The following PDCD6 variants were observed in gnomAD, a reference collection of about 807,000 sequenced individuals.
PDCD6 encodes programmed cell death protein 6.
PDCD6 carries 12 observed loss-of-function variants against 28.3 expected under a neutral mutation model. The ratio of observed to expected loss-of-function variants is 0.42; its 90% CI spans 0.27 to 0.69. PDCD6 has a LOEUF of 0.69. Among genes scored for constraint, PDCD6 ranks in the 30% least tolerant of loss-of-function variants. PDCD6 has a pLI of 0.22. For synonymous variants in PDCD6, 92 were observed against 108.0 expected, an observed-to-expected ratio of 0.85 and a Z score of 0.92; for missense variants, 226 against 269.9, an observed-to-expected ratio of 0.84 and a Z score of 1.14.
chr5:288,383 A>G (rs189685453), intron 2 of PDCD6, among the ~76,000 whole-genome samples: 2 of 150,380 alleles, frequency 1.3e-5, no homozygotes, highest in South Asian at 2.1e-4. Flanking sequence ...CCAGCATGAA[A>G]CCCTGTTATT....
At chr5:311,989 A>G (rs1740952937) in intron 5 of PDCD6, 1 of 153,882 alleles carries the variant, frequency 6.5e-6, no homozygotes, top group South Asian at 2.0e-4. Context: ...CTGGCCAACT[A>G]TGGTGTATTT....
chr5:300,678 G>A (rs1164136161), intron 2 of PDCD6, among the ~76,000 whole-genome samples: 14 of 152,246 alleles, frequency 9.2e-5, no homozygotes, highest in Non-Finnish European at 1.9e-4. Context: ...GCTCGTTACG[G>A]GCCGTTAGGC....
At chr5:290,458 C>T (rs1327736327) in intron 2 of PDCD6, 12 of 614,522 alleles carry the variant, frequency 2.0e-5, no homozygotes, top group Middle Eastern at 4.5e-4. Context: ...GTGGGGGGAA[C>T]GAAGGGAGCC....
intron 2 of PDCD6, among the ~76,000 whole-genome samples, chr5:273,938 T>G (rs1386594340): frequency 5.5e-5 from 5 of 91,390 alleles, no homozygotes; most frequent in Non-Finnish European, 7.7e-5. Context: ...AATCCTCGTT[T>G]TTTTTTTTTT....
intron 2 of PDCD6, among the ~76,000 whole-genome samples, chr5:277,306 T>G (rs1421625832): frequency 4.8e-5 from 7 of 145,420 alleles, no homozygotes; most frequent in Admixed American, 6.8e-5. Flanking sequence ...TTTGTATTTT[T>G]TTTTTTTTTT....
Position 295,093 on chromosome 5 carries a change from G to A in PDCD6, c.164-9084G>A, listed in dbSNP as rs182345224. 2.5e-3 allele frequency among the ~76,000 whole-genome samples: 383 copies of A among 152,258 alleles called. 1 individual carries two copies. Among genetic ancestry groups the A allele is most frequent in the African/African-American group, 8.9e-3 (368 of 41,550 alleles). On this transcript the variant is annotated intron_variant, in intron 2 of 5. Coordinates refer to ENST00000264933, the MANE Select transcript of PDCD6 (RefSeq NM_013232.4). ...CCTCACTGTGGGCTGCTGCGGCTGA[G>A]GGGCTGTACAGCAAACACTAGCTTC... is the stretch of plus-strand genomic sequence containing the variant.
At chr5:275,385 A>G (rs1215574862) in intron 2 of PDCD6, among the ~76,000 whole-genome samples, 1 of 152,220 alleles carries the variant, frequency 6.6e-6, no homozygotes, top group African/African-American at 2.4e-5. Context: ...GCCCCAGGAA[A>G]TGGCCACCCC....
At chr5:275,155 T>C (rs1204494661) in intron 2 of PDCD6, among the ~76,000 whole-genome samples, 1 of 152,200 alleles carries the variant, frequency 6.6e-6, no homozygotes, top group African/African-American at 2.4e-5. Flanking sequence ...GTGCAGTGGC[T>C]CACGCCTGAC....
chr5:303,311 A>C (rs1310046511), intron 2 of PDCD6, among the ~76,000 whole-genome samples: 1 of 151,734 alleles, frequency 6.6e-6, no homozygotes, highest in Non-Finnish European at 1.5e-5. Flanking sequence ...AAAAAAAAAA[A>C]ACTGTGTGTC....
At chr5:297,545 G>A (rs1739696272) in intron 2 of PDCD6, among the ~76,000 whole-genome samples, 1 of 152,180 alleles carries the variant, frequency 6.6e-6, no homozygotes, top group Non-Finnish European at 1.5e-5. Context: ...GTGCACTTTG[G>A]TGAGACTTGA....
intron 5 of PDCD6, among the ~76,000 whole-genome samples, chr5:314,167 G>A (rs1210094549): frequency 6.6e-6 from 1 of 151,080 alleles, no homozygotes; most frequent in Non-Finnish European, 1.5e-5. Context: ...CTGGGGTCAG[G>A]GGCTCAGCCA....
At chr5:296,695 G>C (rs1427827404) in intron 2 of PDCD6, among the ~76,000 whole-genome samples, 9 of 152,230 alleles carry the variant, frequency 5.9e-5, no homozygotes, top group African/African-American at 1.2e-4. Context: ...TTGCAGGCAA[G>C]GCAAGGGAAG....
intron 2 of PDCD6, among the ~76,000 whole-genome samples, chr5:302,191 C>CTGTGTG (rs70955230): frequency 0.011 from 976 of 88,034 alleles, 19 homozygotes; most frequent in Non-Finnish European, 0.019. Context: ...TGGAGTGCTG[C>CTGTGTG]TGTGTGTGTG....
At chr5:286,096 G>T (rs188134085) in intron 2 of PDCD6, among the ~76,000 whole-genome samples, 67 of 151,312 alleles carry the variant, frequency 4.4e-4, no homozygotes, top group African/African-American at 1.5e-3. Context: ...GAGGACCCAG[G>T]GGGGAGCTGA....
chr5:298,937 A>G (rs1271231719), intron 2 of PDCD6, among the ~76,000 whole-genome samples: 7 of 4,710 alleles, frequency 1.5e-3, no homozygotes, highest in African/African-American at 4.4e-3. Flanking sequence ...CCCCTCAGCT[A>G]CTCCCACCCA....
chr5:295,185 C>CA (rs544197165), intron 2 of PDCD6, among the ~76,000 whole-genome samples: 62 of 150,808 alleles, frequency 4.1e-4, no homozygotes, highest in South Asian at 1.5e-3. Flanking sequence ...CTCCATGAAA[C>CA]AAAAACATAT....
intron 2 of PDCD6, among the ~76,000 whole-genome samples, chr5:284,876 GGAA>G: frequency 6.7e-6 from 1 of 149,882 alleles, no homozygotes. Context: ...AGACCCCGCG[GGAA>G]GCTGATGTTC....
intron 2 of PDCD6, among the ~76,000 whole-genome samples, chr5:280,663 C>G (rs1329039226): frequency 2.0e-5 from 3 of 146,908 alleles, no homozygotes; most frequent in African/African-American, 5.1e-5. Flanking sequence ...TGGATGGGAG[C>G]TGGCATTTAA....
At chr5:296,487 G>A (rs1034250701) in intron 2 of PDCD6, among the ~76,000 whole-genome samples, 1 of 152,252 alleles carries the variant, frequency 6.6e-6, no homozygotes, top group Non-Finnish European at 1.5e-5. Context: ...AGGTGGATGA[G>A]GACATCCCAG....
Sources: allele counts gnomAD v4.1 joint callset (sites outside exome capture counted in the v4.1 genomes callset), GRCh38; gene constraint gnomAD v4.1.1; transcripts MANE v1.5; gene names NCBI Gene and HGNC (gene_info 2026-07-23, HGNC 2026-07-21).